Variants in PARD3B observed in about 807,000 individuals in gnomAD.
PARD3B encodes the protein par-3 family cell polarity regulator beta, also known as partitioning defective 3 homolog B.
Under a neutral mutation model 130.2 loss-of-function variants are expected in PARD3B, and 103 were observed. The observed-to-expected ratio is 0.79, with a 90% CI of 0.67 to 0.93. The LOEUF is 0.93. Ranked by LOEUF, PARD3B falls within the 40% of genes least tolerant of loss-of-function variation. The probability of loss-of-function intolerance (pLI) is 0.00; values close to 1 mark genes in which losing one functional copy is unlikely to be tolerated. For missense variants in PARD3B, 1,609 were observed against 1,499.2 expected (o/e 1.07, Z -1.21); for synonymous variants, 583 against 553.2 (o/e 1.05, Z -0.76).
At chr2:204,649,144 T>C (rs2035393769) in intron 1 of PARD3B, among the ~76,000 whole-genome samples, 1 of 148,652 alleles carries the variant, frequency 6.7e-6, no homozygotes, top group Admixed American at 6.9e-5. Flanking sequence ...TTGCACCATT[T>C]CATATTCCCA....
chr2:205,200,049 A>G (rs1357046890), intron 15 of PARD3B, among the ~76,000 whole-genome samples: 1 of 151,510 alleles, frequency 6.6e-6, no homozygotes, highest in Non-Finnish European at 1.5e-5. Context: ...TTCCTTTTTG[A>G]TGGGATTTCT....
chr2:204,636,589 T>C (rs547599122), intron 1 of PARD3B, among the ~76,000 whole-genome samples: 2 of 152,154 alleles, frequency 1.3e-5, no homozygotes, highest in African/African-American at 4.8e-5. Context: ...CAGCATGTAC[T>C]TCCTAACTTT....
chr2:205,197,878 A>G (rs2036781824), intron 15 of PARD3B, among the ~76,000 whole-genome samples: 2 of 152,220 alleles, frequency 1.3e-5, no homozygotes, highest in South Asian at 4.1e-4. Flanking sequence ...GGAAGCTCTC[A>G]GGAGCTGAAT....
intron 2 of PARD3B, among the ~76,000 whole-genome samples, chr2:204,894,388 A>G (rs1424719855): frequency 6.6e-6 from 1 of 152,010 alleles, no homozygotes; most frequent in Non-Finnish European, 1.5e-5. Flanking sequence ...GTTAAATCTC[A>G]TTTTTTAAGG....
intron 2 of PARD3B, among the ~76,000 whole-genome samples, chr2:204,826,031 C>A (rs1226577580): frequency 6.6e-6 from 1 of 152,136 alleles, no homozygotes; most frequent in African/African-American, 2.4e-5. Flanking sequence ...GACTCCACTT[C>A]CACTTTTATT....
chr2:205,058,214 T>C (rs1295955362), intron 4 of PARD3B, among the ~76,000 whole-genome samples: 1 of 151,978 alleles, frequency 6.6e-6, no homozygotes, highest in African/African-American at 2.4e-5. Flanking sequence ...CTTATTTTAC[T>C]GAGCATAATA....
chr2:204,876,375 G>A (rs181527780), intron 2 of PARD3B, among the ~76,000 whole-genome samples: 3 of 152,264 alleles, frequency 2.0e-5, no homozygotes, highest in Admixed American at 6.5e-5. Context: ...GGACATTTTT[G>A]TAGAGCAAAT....
Position 204,606,191 on chromosome 2 carries a change from T to C in PARD3B, c.120+60072T>C, listed in dbSNP as rs1415046404. On this transcript the variant is annotated intron_variant, in intron 1 of 22. Coordinates refer to ENST00000406610, the MANE Select transcript of PARD3B (RefSeq NM_001302769.2). This position sits in a 1 kb window ranked among gnomAD's most constrained non-coding sequence, Gnocchi z 4.0. The stretch of plus-strand genomic sequence containing the variant: ...CCTGGATCAGATTTTTGTCTTTGAG[T>C]TTGCCACACATGTGGCATAGTGCAG... 6.6e-6 allele frequency among the ~76,000 whole-genome samples: 1 copy of C among 152,214 alleles called. No homozygotes were observed. The highest frequency in any genetic ancestry group is 1.9e-4 in the East Asian group (1 of 5,200).
At chr2:204,730,569 G>T (rs965113171) in intron 2 of PARD3B, among the ~76,000 whole-genome samples, 1 of 138,316 alleles carries the variant, frequency 7.2e-6, no homozygotes, top group Non-Finnish European at 1.5e-5. Context: ...GACAGATGCA[G>T]GGGTAAAAAA....
At chr2:205,377,660 T>C (rs1465820979) in intron 18 of PARD3B, among the ~76,000 whole-genome samples, 1 of 151,230 alleles carries the variant, frequency 6.6e-6, no homozygotes, top group East Asian at 1.9e-4. Flanking sequence ...CCAAGTGGAG[T>C]CTCCTGGCTC....
chr2:205,526,293 A>G (rs2051333790), intron 21 of PARD3B, among the ~76,000 whole-genome samples: 1 of 152,178 alleles, frequency 6.6e-6, no homozygotes, highest in South Asian at 2.1e-4. Context: ...CAGCTATCAC[A>G]GGTCTGGCCC....
Position 205,407,963 on chromosome 2 carries a change from G to T in PARD3B, c.2741+6840G>T, listed in dbSNP as rs2046466495. Among the ~76,000 whole-genome samples the T allele has an allele frequency of 6.6e-6, 1 of 152,120 alleles. No homozygotes were observed. Among genetic ancestry groups the T allele is most frequent in the Non-Finnish European group, 1.5e-5 (1 of 68,012 alleles). On this transcript the variant is annotated intron_variant, in intron 19 of 22. Coordinates refer to ENST00000406610, the MANE Select transcript of PARD3B (RefSeq NM_001302769.2). This position sits in a 1 kb window ranked among gnomAD's most constrained non-coding sequence, Gnocchi z 4.1. Reference sequence around the variant, plus strand: ...AGAATCTTAGCAGGATACATGAGGAGATGGGAGAAAAAAAAGATCCAACCT... The same window carrying T: ...AGAATCTTAGCAGGATACATGAGGATATGGGAGAAAAAAAAGATCCAACCT...
At chr2:204,624,696 A>G (rs895204369) in intron 1 of PARD3B, among the ~76,000 whole-genome samples, 6 of 152,132 alleles carry the variant, frequency 3.9e-5, no homozygotes, top group Non-Finnish European at 1.5e-5. Flanking sequence ...ACAATCACAG[A>G]TAGGTTTTGT....
At chr2:205,387,916 G>A in intron 18 of PARD3B, among the ~76,000 whole-genome samples, 1 of 152,186 alleles carries the variant, frequency 6.6e-6, no homozygotes, top group East Asian at 1.9e-4. Context: ...CATTATGGCA[G>A]ATTATGAGAC....
At chr2:204,840,188 T>C (rs1288596631) in intron 2 of PARD3B, among the ~76,000 whole-genome samples, 1 of 152,160 alleles carries the variant, frequency 6.6e-6, no homozygotes, top group Non-Finnish European at 1.5e-5. Context: ...TATAGCTGAA[T>C]ATAAATTGAA....
At chr2:205,346,614 G>C (rs1165127921) in intron 18 of PARD3B, among the ~76,000 whole-genome samples, 1 of 152,122 alleles carries the variant, frequency 6.6e-6, no homozygotes, top group Non-Finnish European at 1.5e-5. Context: ...CGTTAGCTCT[G>C]TTATGAGCAC....
At chr2:204,952,710 A>G (rs1689874076) in intron 2 of PARD3B, among the ~76,000 whole-genome samples, 1 of 152,172 alleles carries the variant, frequency 6.6e-6, no homozygotes, top group Non-Finnish European at 1.5e-5. Flanking sequence ...AATATTGTCA[A>G]TATCACGGTC....
chr2:204,959,864 A>G (rs10197984), intron 2 of PARD3B, among the ~76,000 whole-genome samples: 5,453 of 152,268 alleles, frequency 0.036, 151 homozygotes, highest in African/African-American at 0.072. Context: ...CATATTGAAA[A>G]TAATTCACAC....
At chr2:205,399,730 A>G (rs904562782) in intron 18 of PARD3B, among the ~76,000 whole-genome samples, 5 of 152,196 alleles carry the variant, frequency 3.3e-5, no homozygotes, top group Non-Finnish European at 7.3e-5. Flanking sequence ...ATTTTTGTAA[A>G]GCATCATAAC....
Sources: gnomAD v4.1 joint callset for allele counts (sites outside exome capture counted in the v4.1 genomes callset) on GRCh38, gnomAD v4.1.1 for gene constraint, Gnocchi (gnomAD v3.1) non-coding constraint, MANE v1.5 for transcripts, NCBI Gene and HGNC (gene_info 2026-07-23, HGNC 2026-07-21) for gene names.